Variants in NSUN6 observed in about 807,000 individuals in gnomAD.
NSUN6 encodes the protein tRNA (cytosine(72)-C(5))-methyltransferase NSUN6.
A neutral mutation model predicts 58.0 loss-of-function variants in NSUN6; 64 were observed. That is an observed-to-expected ratio of 1.10 (90% CI 0.90 to 1.36). The LOEUF (loss-of-function observed/expected upper bound fraction) is 1.36, where lower values mean the gene tolerates loss of function less well. Among genes scored for constraint, NSUN6 ranks in the 40% most tolerant of loss-of-function variants. The pLI, the probability that NSUN6 is intolerant of heterozygous loss-of-function variation, is 0.00. For missense variants in NSUN6, 701 were observed against 550.1 expected, an observed-to-expected ratio of 1.27 and a Z score of -2.74; for synonymous variants, 231 against 193.9, an observed-to-expected ratio of 1.19 and a Z score of -1.59.
chr10:18,576,383 T>C (rs191280395), intron 8 of NSUN6, among the ~76,000 whole-genome samples: 63 of 152,150 alleles, frequency 4.1e-4, no homozygotes, highest in Non-Finnish European at 7.6e-4. Flanking sequence ...GAGATTTCAA[T>C]AGACCCCAGT....
At chr10:18,574,398 A>G (rs1366888896) in intron 8 of NSUN6, among the ~76,000 whole-genome samples, 2 of 152,110 alleles carry the variant, frequency 1.3e-5, no homozygotes, top group East Asian at 1.9e-4. Context: ...AATTCACTCA[A>G]CCCAGCAGGT....
intron 6 of NSUN6, among the ~76,000 whole-genome samples, chr10:18,603,614 G>A (rs1448579001): frequency 6.6e-6 from 1 of 151,756 alleles, no homozygotes; most frequent in Non-Finnish European, 1.5e-5. Context: ...GGGATTACAG[G>A]CACCGCCACC....
Position 18,551,866 on chromosome 10 carries a change from TC to T in NSUN6, c.1027del (p.Glu343LysfsTer20), listed in dbSNP as rs763991415. On this transcript the variant is annotated frameshift_variant, in exon 9 of 11. Transcript: ENST00000377304. LOFTEE classifies it high-confidence loss of function. ...CTGTAATGGCTGATATGATGCCACTTCCTTCACAGACCAAGTACAGGCCATG... is the reference window on the plus strand; with the variant it reads ...CTGTAATGGCTGATATGATGCCACTTCTTCACAGACCAAGTACAGGCCATG... The part of the protein sequence containing the change: ...PNMACTWSVK[E>X]VASYQPLQRK... The T allele has an allele frequency of 6.8e-6, 11 of 1,613,562 alleles. No homozygotes were observed. Among genetic ancestry groups the T allele is most frequent in the Non-Finnish European group, 8.5e-6 (10 of 1,179,696 alleles).
chr10:18,605,665 G>A (rs776065770), intron 6 of NSUN6, among the ~76,000 whole-genome samples: 1 of 152,196 alleles, frequency 6.6e-6, no homozygotes, highest in African/African-American at 2.4e-5. Flanking sequence ...ACCAGTAAGA[G>A]ACACATGGCT....
At chr10:18,637,193 C>T (rs1422174703) in intron 3 of NSUN6, among the ~76,000 whole-genome samples, 1 of 151,986 alleles carries the variant, frequency 6.6e-6, no homozygotes, top group Non-Finnish European at 1.5e-5. Flanking sequence ...AAACTCCTGG[C>T]CTCAGGTGAT....
At chr10:18,620,289 G>A (rs550792485) in intron 3 of NSUN6, among the ~76,000 whole-genome samples, 112 of 152,070 alleles carry the variant, frequency 7.4e-4, no homozygotes, top group Admixed American at 2.0e-3. Flanking sequence ...GGGTTACACC[G>A]TGTTAGCCAG....
At chr10:18,548,319 T>A in intron 9 of NSUN6, 82 bp from the exon 10 acceptor site, 1 of 1,205,584 alleles carries the variant, frequency 8.3e-7, no homozygotes. Flanking sequence ...AGGTATAATG[T>A]CTTTCAAATG....
At chr10:18,635,928 A>G (rs1012287852) in intron 3 of NSUN6, among the ~76,000 whole-genome samples, 6 of 151,054 alleles carry the variant, frequency 4.0e-5, no homozygotes, top group Middle Eastern at 3.2e-3. Context: ...CCAAATGTCT[A>G]AAGTTCAATA....
At chr10:18,600,277 A>G (rs2057753643) in intron 6 of NSUN6, among the ~76,000 whole-genome samples, 1 of 152,260 alleles carries the variant, frequency 6.6e-6, no homozygotes, top group African/African-American at 2.4e-5. Flanking sequence ...TTTGCACAAG[A>G]AAGCATGTAA....
chr10:18,546,429 G>C (rs114336917), intron 10 of NSUN6, among the ~76,000 whole-genome samples: 1 of 152,120 alleles, frequency 6.6e-6, no homozygotes, highest in African/African-American at 2.4e-5. Context: ...GGAAACAAGT[G>C]GACTCAAATT....
At chr10:18,582,359 T>C (rs2056942390) in intron 8 of NSUN6, among the ~76,000 whole-genome samples, 2 of 152,172 alleles carry the variant, frequency 1.3e-5, no homozygotes, top group African/African-American at 4.8e-5. Flanking sequence ...ACAAACTAAC[T>C]TTATTTTGAA....
chr10:18,656,670 A>AT (rs2059780834), upstream of NSUN6, among the ~76,000 whole-genome samples: 1 of 152,148 alleles, frequency 6.6e-6, no homozygotes, highest in Admixed American at 6.6e-5. Context: ...TTATAGTTTT[A>AT]TTTTTTGAAT....
At chr10:18,573,029 T>C (rs2056460272) in intron 8 of NSUN6, among the ~76,000 whole-genome samples, 1 of 151,000 alleles carries the variant, frequency 6.6e-6, no homozygotes. Context: ...TATTCCATTC[T>C]TCATTCCATT....
intron 6 of NSUN6, among the ~76,000 whole-genome samples, chr10:18,597,090 C>A (rs1016637952): frequency 6.6e-6 from 1 of 152,100 alleles, no homozygotes; most frequent in African/African-American, 2.4e-5. Context: ...AAACCTCAAA[C>A]CCTGGCTGTT....
Position 18,551,891 on chromosome 10 carries a change from T to C in NSUN6, c.1003A>G (p.Met335Val), listed in dbSNP as rs777573987. 2.5e-6 allele frequency: 4 copies of C among 1,613,088 alleles called. No individual in the cohort carries two copies. The highest frequency in any genetic ancestry group is 1.1e-5 in the South Asian group (1 of 90,998). The change falls in exon 9 of 11, where the codon ATG (methionine) becomes GTG (valine). Residue 335 changes from methionine to valine, a missense_variant. Coordinates refer to ENST00000377304, the MANE Select transcript of NSUN6 (RefSeq NM_182543.5). ...TCCTTCACAGACCAAGTACAGGCCA[T>C]GTTTGGTCTCTGTCCCATTCCACTA... ...PCSGMGQRPN[M>V]ACTWSVKEVA... is the part of the protein sequence containing the mutation.
intron 3 of NSUN6, among the ~76,000 whole-genome samples, chr10:18,628,848 G>C (rs576432949): frequency 5.1e-4 from 77 of 152,176 alleles, no homozygotes; most frequent in Non-Finnish European, 1.0e-3. Flanking sequence ...TTATCCAGGA[G>C]AACTTCCCCA....
intron 3 of NSUN6, among the ~76,000 whole-genome samples, chr10:18,635,706 T>G (rs1316496829): frequency 1.3e-5 from 2 of 151,490 alleles, no homozygotes; most frequent in Non-Finnish European, 2.9e-5. Flanking sequence ...GGTATGGTGG[T>G]GGGCACCTGT....
intron 8 of NSUN6, among the ~76,000 whole-genome samples, chr10:18,574,502 T>C (rs551460457): frequency 6.6e-6 from 1 of 152,234 alleles, no homozygotes; most frequent in South Asian, 2.1e-4. Flanking sequence ...AGAAACTCCC[T>C]TCCAGACTGG....
At chr10:18,646,544 TG>T (rs11319467) in intron 2 of NSUN6, among the ~76,000 whole-genome samples, 83,524 of 151,380 alleles carry the variant, frequency 0.55, 23,454 homozygotes, top group East Asian at 0.94. Flanking sequence ...TCATTTGTTG[TG>T]GAAAAAAAAA....
Sources: allele counts gnomAD v4.1 joint callset (sites outside exome capture counted in the v4.1 genomes callset), GRCh38; gene constraint gnomAD v4.1.1; transcripts MANE v1.5; gene names NCBI Gene and HGNC (gene_info 2026-07-23, HGNC 2026-07-21).